PUS7: variants seen among roughly 807,000 people sequenced by gnomAD.
PUS7 encodes the protein pseudouridine synthase 7, also known as pseudouridylate synthase 7 homolog.
A neutral mutation model predicts 79.8 loss-of-function variants in PUS7; 48 were observed. The observed-to-expected ratio is 0.60, with a 90% CI of 0.48 to 0.76. The LOEUF (loss-of-function observed/expected upper bound fraction) is 0.76, where lower values mean the gene tolerates loss of function less well. PUS7 is among the 30% of genes least tolerant of loss of function. The probability of loss-of-function intolerance (pLI) is 0.00; values close to 1 mark genes in which losing one functional copy is unlikely to be tolerated. For missense variants in PUS7, 729 were observed against 797.6 expected, an observed-to-expected ratio of 0.91 and a Z score of 1.04; for synonymous variants, 286 against 272.2, an observed-to-expected ratio of 1.05 and a Z score of -0.50.
chr7:105,491,729 T>G, intron 6 of PUS7, 112 bp from the exon 7 acceptor site: 1 of 649,418 alleles, frequency 1.5e-6, no homozygotes, highest in South Asian at 2.1e-5. Flanking sequence ...CATAACACAG[T>G]AAGAGAAGAA....
intron 4 of PUS7, among the ~76,000 whole-genome samples, chr7:105,505,292 C>A (rs537776702): frequency 1.7e-4 from 26 of 152,150 alleles, no homozygotes; most frequent in Non-Finnish European, 3.2e-4. Flanking sequence ...TGTGAGCCAC[C>A]GTGCCCGGCG....
chr7:105,521,765 C>A lies in PUS7; in HGVS notation c.-33+287G>T, dbSNP rs532320146. Among the ~76,000 whole-genome samples, 110 of 152,152 alleles carry A rather than the reference C, an allele frequency of 7.2e-4. 1 individual carries two copies. The highest frequency in any genetic ancestry group is 1.4e-3 in the Non-Finnish European group (96 of 67,960). On this transcript the variant is annotated intron_variant, in intron 1 of 15. Transcript: ENST00000469408. ...CAGCGCCGCGCGGGGAGGAGGGGAG[C>A]GCTCGGGCGCGGCGCCTCCGGACGA...
At chr7:105,512,859 A>G (rs1825753196) in intron 1 of PUS7, among the ~76,000 whole-genome samples, 2 of 152,238 alleles carry the variant, frequency 1.3e-5, no homozygotes, top group Non-Finnish European at 2.9e-5. Flanking sequence ...CTAAGGCTGA[A>G]GCAAGGGAGA....
intron 14 of PUS7, among the ~76,000 whole-genome samples, chr7:105,462,006 G>A (rs757068999): frequency 2.0e-5 from 3 of 150,294 alleles, no homozygotes; most frequent in Non-Finnish European, 2.9e-5. Flanking sequence ...TTATGCCACT[G>A]CATTCCAGCC....
At chr7:105,462,372 C>T in intron 14 of PUS7, 1 of 367,878 alleles carries the variant, frequency 2.7e-6, no homozygotes, top group Non-Finnish European at 4.8e-6. Context: ...GCAGAAGTTG[C>T]AGTGAGCCGA....
chr7:105,516,242 G>A (rs1402822936), intron 1 of PUS7, among the ~76,000 whole-genome samples: 1 of 152,100 alleles, frequency 6.6e-6, no homozygotes, highest in African/African-American at 2.4e-5. Context: ...ACCGCACCCG[G>A]CCCAAATTAA....
intron 5 of PUS7, among the ~76,000 whole-genome samples, chr7:105,495,760 GA>G (rs1308712076): frequency 1.3e-5 from 2 of 151,810 alleles, no homozygotes; most frequent in African/African-American, 2.4e-5. Context: ...ATAAATAAAA[GA>G]AAAACATTTT....
chr7:105,466,770 A>G (rs1823659188), intron 12 of PUS7, among the ~76,000 whole-genome samples: 1 of 152,130 alleles, frequency 6.6e-6, no homozygotes, highest in Non-Finnish European at 1.5e-5. Flanking sequence ...TAAAAAAAAA[A>G]ACTGGAATGT....
chr7:105,483,224 C>A (rs1243791975), intron 7 of PUS7, among the ~76,000 whole-genome samples: 1 of 150,314 alleles, frequency 6.7e-6, no homozygotes, highest in East Asian at 1.9e-4. Flanking sequence ...GACTGGAGTG[C>A]AGTGGCATGA....
chr7:105,516,628 G>T (rs908643811), intron 1 of PUS7, among the ~76,000 whole-genome samples: 1 of 151,768 alleles, frequency 6.6e-6, no homozygotes, highest in Admixed American at 6.6e-5. Flanking sequence ...TAATTTTTGT[G>T]TTTTTAGTAG....
chr7:105,520,346 C>A (rs960947904), intron 1 of PUS7, among the ~76,000 whole-genome samples: 2 of 151,986 alleles, frequency 1.3e-5, no homozygotes, highest in African/African-American at 2.4e-5. Flanking sequence ...GTAGTCCCAG[C>A]TACTCGGGAG....
chr7:105,487,546 G>A (rs1824601825), intron 7 of PUS7, among the ~76,000 whole-genome samples: 4 of 152,198 alleles, frequency 2.6e-5, no homozygotes. Flanking sequence ...TGGTATGGGT[G>A]CTCCCTGAGA....
In PUS7 at chr7:105,501,970, ATATATAT is replaced by A. The variant is rs1424419733; in HGVS notation, c.730+443_730+449del. Reference sequence around the variant, plus strand: ...ACTCCGTCTCAAAAAAAAAAAAAAAATATATATATATATATATATATAGGGGCCTTGC... The same window carrying A: ...ACTCCGTCTCAAAAAAAAAAAAAAAAATATATATATATATAGGGGCCTTGC... On this transcript the variant is annotated intron_variant, in intron 5 of 15. Coordinates refer to ENST00000469408, the MANE Select transcript of PUS7 (RefSeq NM_019042.5). 2.2e-4 allele frequency among the ~76,000 whole-genome samples: 16 copies of A among 74,286 alleles called. No homozygotes were observed. In the East Asian group the frequency reaches 3.8e-3, roughly 17 times the overall value. 48.7% of individuals were successfully genotyped at this position (74,286 alleles called of 152,430 possible).
Position 105,471,184 on chromosome 7 carries a change from T to C in PUS7, c.1238-336A>G, listed in dbSNP as rs188961448. On this transcript the variant is annotated intron_variant, in intron 10 of 15. Transcript: ENST00000469408. ...GTCAAGTTTAACGGGTTACTTTCCT[T>C]AAAATTAGATAATTTTATCTTTTTA... Among the ~76,000 whole-genome samples the C allele has an allele frequency of 1.5e-3, 233 of 152,350 alleles. 1 individual carries two copies. Among genetic ancestry groups the C allele is most frequent in the African/African-American group, 5.3e-3 (220 of 41,590 alleles).
chr7:105,497,491 C>T (rs1825083487), intron 5 of PUS7, among the ~76,000 whole-genome samples: 1 of 151,960 alleles, frequency 6.6e-6, no homozygotes, highest in Non-Finnish European at 1.5e-5. Context: ...CAGCTAAGTT[C>T]TTTATAGATT....
intron 7 of PUS7, among the ~76,000 whole-genome samples, chr7:105,483,177 CTT>C (rs1337345763): frequency 5.5e-5 from 5 of 91,158 alleles, no homozygotes; most frequent in Admixed American, 1.6e-4. Flanking sequence ...TCTTTCTTTC[CTT>C]TTTTTTTTTT....
chr7:105,516,572 G>C (rs1825903806), intron 1 of PUS7, among the ~76,000 whole-genome samples: 2 of 151,938 alleles, frequency 1.3e-5, no homozygotes, highest in African/African-American at 4.8e-5. Flanking sequence ...TCCTGCCTCA[G>C]CTTCCTGAGT....
chr7:105,490,263 A>G (rs1824728858), intron 7 of PUS7, among the ~76,000 whole-genome samples: 1 of 152,140 alleles, frequency 6.6e-6, no homozygotes, highest in Non-Finnish European at 1.5e-5. Flanking sequence ...GTATAAGCCC[A>G]TGAAACCATT....
intron 6 of PUS7, among the ~76,000 whole-genome samples, chr7:105,492,896 G>A (rs888159377): frequency 1.3e-5 from 2 of 152,150 alleles, no homozygotes; most frequent in African/African-American, 2.4e-5. Context: ...ACCCGCCTCG[G>A]CCTCCCAAAG....
Sources: gnomAD v4.1 joint callset for allele counts (sites outside exome capture counted in the v4.1 genomes callset) on GRCh38, gnomAD v4.1.1 for gene constraint, MANE v1.5 for transcripts, NCBI Gene and HGNC (gene_info 2026-07-23, HGNC 2026-07-21) for gene names.